Variants in ANKRD44 observed in about 807,000 individuals in gnomAD.
ANKRD44 encodes serine/threonine-protein phosphatase 6 regulatory ankyrin repeat subunit B.
ANKRD44 carries 35 observed loss-of-function variants against 116.0 expected under a neutral mutation model. The observed-to-expected ratio is 0.30, with a 90% CI of 0.23 to 0.40. The LOEUF (loss-of-function observed/expected upper bound fraction) is 0.40. ANKRD44 is among the 10% of genes least tolerant of loss of function. ANKRD44 has a pLI of 1.00. For synonymous variants in ANKRD44, 435 were observed against 461.8 expected, an observed-to-expected ratio of 0.94 and a Z score of 0.74; for missense variants, 1,014 against 1,242.6, an observed-to-expected ratio of 0.82 and a Z score of 2.77.
chr2:197,191,207 G>C (rs2080813477), intron 1 of ANKRD44, among the ~76,000 whole-genome samples: 2 of 152,136 alleles, frequency 1.3e-5, no homozygotes, highest in South Asian at 2.1e-4. Context: ...GACACTTCCT[G>C]GGCCAAATTT....
intron 10 of ANKRD44, 85 bp from the exon 11 acceptor site, chr2:197,090,117 T>C (rs1427678471): frequency 5.5e-6 from 6 of 1,081,952 alleles, no homozygotes; most frequent in African/African-American, 1.6e-5. Context: ...GATTCTCTGA[T>C]GAAAATTAAC....
chr2:197,275,576 G>A (rs936269753), intron 1 of ANKRD44, among the ~76,000 whole-genome samples: 2 of 152,050 alleles, frequency 1.3e-5, no homozygotes, highest in Admixed American at 6.5e-5. Context: ...TTGGGGGGGT[G>A]GGCAACCTGC....
At chr2:197,018,052 C>A (rs557657059) in intron 17 of ANKRD44, among the ~76,000 whole-genome samples, 1 of 152,340 alleles carries the variant, frequency 6.6e-6, no homozygotes, top group East Asian at 1.9e-4. Context: ...CTCATCATTT[C>A]TATTCTTTCT....
chr2:197,288,624 T>C (rs1209166271), intron 1 of ANKRD44, among the ~76,000 whole-genome samples: 3 of 152,044 alleles, frequency 2.0e-5, no homozygotes, highest in Non-Finnish European at 4.4e-5. Flanking sequence ...ATGTGATATA[T>C]ATATATACAC....
intron 16 of ANKRD44, among the ~76,000 whole-genome samples, chr2:197,047,679 A>AGG (rs1193635659): frequency 6.6e-6 from 1 of 152,150 alleles, no homozygotes; most frequent in African/African-American, 2.4e-5. Context: ...TGGGAGGCCG[A>AGG]GGCAGGTGGA....
At chr2:196,986,353 T>C (rs2075837142), downstream of ANKRD44, among the ~76,000 whole-genome samples, 1 of 149,630 alleles carries the variant, frequency 6.7e-6, no homozygotes, top group Non-Finnish European at 1.5e-5. Flanking sequence ...AGGTCGAGGC[T>C]GCAGTGAGCC....
intron 1 of ANKRD44, among the ~76,000 whole-genome samples, chr2:197,236,390 A>T (rs1216179645): frequency 6.6e-6 from 1 of 152,196 alleles, no homozygotes; most frequent in Non-Finnish European, 1.5e-5. Flanking sequence ...GGTGTCCTGA[A>T]CCCCAATTAG....
chr2:197,290,048 C>A (rs980316336), intron 1 of ANKRD44, among the ~76,000 whole-genome samples: 1 of 151,882 alleles, frequency 6.6e-6, no homozygotes, highest in African/African-American at 2.4e-5. Flanking sequence ...TTAGGAGAGA[C>A]GGGGTTTCAC....
chr2:196,998,454 G>A lies in ANKRD44; in HGVS notation c.2666-35C>T, dbSNP rs575957481. On this transcript the variant is annotated intron_variant, in intron 24 of 27. Coordinates refer to ENST00000282272, the MANE Select transcript of ANKRD44 (RefSeq NM_001195144.2). Reference sequence around the variant, plus strand: ...AAGCCCAAAAGAGGGTTACTTAGATGAGATGCTAATTACATGCATTTTGAA... The same window carrying A: ...AAGCCCAAAAGAGGGTTACTTAGATAAGATGCTAATTACATGCATTTTGAA... The A allele has an allele frequency of 4.0e-5, 59 of 1,484,784 alleles. 1 individual carries two copies. In the South Asian group the frequency reaches 6.4e-4, roughly 16 times the overall value. 92.0% of individuals were successfully genotyped at this position (1,484,784 alleles called of 1,614,324 possible). A position where few individuals can be genotyped will look rare whatever the true frequency, so the allele number is the denominator to read the frequency against.
chr2:197,053,126 G>A (rs1277093841), intron 16 of ANKRD44, among the ~76,000 whole-genome samples: 5 of 151,980 alleles, frequency 3.3e-5, no homozygotes, highest in Admixed American at 1.3e-4. Flanking sequence ...AGCCGAGATC[G>A]CACCACTGCA....
At chr2:197,294,603 A>C (rs1196637533) in intron 1 of ANKRD44, among the ~76,000 whole-genome samples, 1 of 152,286 alleles carries the variant, frequency 6.6e-6, no homozygotes, top group South Asian at 2.1e-4. Flanking sequence ...CCGCCCCAAC[A>C]CACACACAAA....
In ANKRD44 at chr2:197,025,248, CTGTT is replaced by C. The variant is rs1256774164; in HGVS notation, c.1666_1669del (p.Asn556ValfsTer17). 2 of 1,611,332 alleles carry C rather than the reference CTGTT, an allele frequency of 1.2e-6. No homozygotes were observed. The highest frequency in any genetic ancestry group is 1.7e-6 in the Non-Finnish European group (2 of 1,177,872). On this transcript the variant is annotated frameshift_variant, in exon 17 of 28. Coordinates refer to ENST00000282272, the MANE Select transcript of ANKRD44 (RefSeq NM_001195144.2). LOFTEE classifies it high-confidence loss of function. Reference sequence around the variant, plus strand: ...ACCAGAATCTGATTCTTCAAATCCACTGTTTGTTCTTTCCAAAAGCTGTGGAGAC... The same window carrying C: ...ACCAGAATCTGATTCTTCAAATCCACTGTTCTTTCCAAAAGCTGTGGAGAC...
chr2:197,149,611 A>T (rs2079590027), intron 2 of ANKRD44, among the ~76,000 whole-genome samples: 1 of 152,122 alleles, frequency 6.6e-6, no homozygotes, highest in African/African-American at 2.4e-5. Flanking sequence ...TTCAGGCAGT[A>T]CTCCTTTAGT....
At chr2:197,153,070 G>A (rs962739795) in intron 2 of ANKRD44, among the ~76,000 whole-genome samples, 1 of 151,666 alleles carries the variant, frequency 6.6e-6, no homozygotes, top group South Asian at 2.1e-4. Context: ...AGCTGGGCGT[G>A]GTAGCATGTG....
At chr2:197,228,309 G>A (rs1261774857) in intron 1 of ANKRD44, among the ~76,000 whole-genome samples, 2 of 152,178 alleles carry the variant, frequency 1.3e-5, no homozygotes, top group Non-Finnish European at 2.9e-5. Context: ...GAACAGTTAG[G>A]AACAGATTTT....
rs150601789 is a variant in ANKRD44 at position 197,186,490 on chromosome 2, G to A, written c.111+533C>T. On this transcript the variant is annotated intron_variant, in intron 2 of 27. Coordinates refer to ENST00000282272, the MANE Select transcript of ANKRD44 (RefSeq NM_001195144.2). ...TAACCAGATTTTTTTTTTGAGGTAG[G>A]GTCTTACTCTGTCAACCAGGCTAGA... Among the ~76,000 whole-genome samples the A allele has an allele frequency of 1.7e-3, 254 of 151,638 alleles. 1 individual carries two copies. Among genetic ancestry groups the A allele is most frequent in the African/African-American group, 5.9e-3 (244 of 41,328 alleles).
intron 1 of ANKRD44, among the ~76,000 whole-genome samples, chr2:197,282,656 C>G (rs981501784): frequency 6.6e-6 from 1 of 152,028 alleles, no homozygotes; most frequent in Non-Finnish European, 1.5e-5. Flanking sequence ...GTTCTTTATA[C>G]TAAAAACTTT....
At chr2:197,118,956 GC>G (rs1280649732) in intron 8 of ANKRD44, among the ~76,000 whole-genome samples, 1 of 151,928 alleles carries the variant, frequency 6.6e-6, no homozygotes, top group Non-Finnish European at 1.5e-5. Context: ...TTTTTCACAG[GC>G]TTAATGTATT....
chr2:197,067,381 T>C (rs561750333), intron 16 of ANKRD44, among the ~76,000 whole-genome samples: 100 of 152,306 alleles, frequency 6.6e-4, no homozygotes, highest in African/African-American at 2.2e-3. Context: ...GGGCAAGGAC[T>C]TCATGTCTAA....
Sources: gnomAD v4.1 joint callset for allele counts (sites outside exome capture counted in the v4.1 genomes callset) on GRCh38, gnomAD v4.1.1 for gene constraint, MANE v1.5 for transcripts, NCBI Gene and HGNC (gene_info 2026-07-23, HGNC 2026-07-21) for gene names.